HEPHL1: variants seen among roughly 807,000 people sequenced by gnomAD.
HEPHL1 encodes the protein ferroxidase HEPHL1.
HEPHL1 carries 123 observed loss-of-function variants against 122.0 expected under a neutral mutation model. The observed-to-expected ratio is 1.01, with a 90% CI of 0.87 to 1.17. The LOEUF (loss-of-function observed/expected upper bound fraction) is 1.17, where lower values mean the gene tolerates loss of function less well. Ranked by LOEUF, HEPHL1 falls within the 50% of genes most tolerant of loss-of-function variation. The probability of loss-of-function intolerance (pLI) is 0.00; values close to 1 mark genes in which losing one functional copy is unlikely to be tolerated. For missense variants in HEPHL1, 1,452 were observed against 1,430.5 expected (o/e 1.01, Z -0.24); for synonymous variants, 527 against 508.9 (o/e 1.04, Z -0.48).
At chr11:94,073,488 C>T (rs1167012502) in intron 8 of HEPHL1, 49 bp downstream of exon 8, 105 of 1,529,168 alleles carry the variant, frequency 6.9e-5, no homozygotes, top group Non-Finnish European at 8.8e-5. Context: ...GTGAGCAAAG[C>T]ACTTAGAAAT....
At chr11:94,062,613 C>A (rs996512316) in intron 2 of HEPHL1, among the ~76,000 whole-genome samples, 23 of 151,568 alleles carry the variant, frequency 1.5e-4, no homozygotes, top group African/African-American at 5.6e-4. Flanking sequence ...TGTGCACTTC[C>A]ATCTCCTTCT....
intron 4 of HEPHL1, among the ~76,000 whole-genome samples, chr11:94,065,090 A>G (rs550406180): frequency 1.3e-5 from 2 of 152,304 alleles, no homozygotes; most frequent in African/African-American, 2.4e-5. Flanking sequence ...TAGTTACTTC[A>G]TTAGTTGAGA....
intron 17 of HEPHL1, among the ~76,000 whole-genome samples, chr11:94,108,629 C>T (rs1946426187): frequency 6.6e-6 from 1 of 151,714 alleles, no homozygotes; most frequent in South Asian, 2.1e-4. Context: ...TCCAAATGTT[C>T]CATCACCACT....
At chr11:94,024,997 C>A (rs1396823631) in intron 1 of HEPHL1, among the ~76,000 whole-genome samples, 5 of 152,048 alleles carry the variant, frequency 3.3e-5, no homozygotes, top group Non-Finnish European at 5.9e-5. Flanking sequence ...ATCTGGGGAA[C>A]AAGATGGTGG....
intron 13 of HEPHL1, among the ~76,000 whole-genome samples, chr11:94,099,667 C>T (rs1317429077): frequency 3.9e-5 from 6 of 152,134 alleles, no homozygotes; most frequent in South Asian, 2.1e-4. Flanking sequence ...CCACCCAGTT[C>T]GAGCTTCCCA....
chr11:94,072,080 A>G (rs1028613605), intron 6 of HEPHL1, among the ~76,000 whole-genome samples: 3 of 152,184 alleles, frequency 2.0e-5, no homozygotes, highest in African/African-American at 4.8e-5. Flanking sequence ...AACAATTGCC[A>G]TTTTGGAGAT....
At chr11:94,086,304 T>C (rs1946218081) in intron 11 of HEPHL1, 115 bp downstream of exon 11, 4 of 738,926 alleles carry the variant, frequency 5.4e-6, no homozygotes, top group Non-Finnish European at 9.1e-6. Flanking sequence ...GGTGTAGAAA[T>C]AGATATAGTC....
chr11:94,051,559 T>G (rs535046337), intron 2 of HEPHL1, among the ~76,000 whole-genome samples: 1 of 152,254 alleles, frequency 6.6e-6, no homozygotes, highest in South Asian at 2.1e-4. Context: ...AGATAGGTAG[T>G]TTGCAAATAT....
Position 94,112,695 on chromosome 11 carries a change from G to C in HEPHL1, c.*801G>C, listed in dbSNP as rs1471108245. On this transcript the variant is annotated 3_prime_UTR_variant, in exon 20 of 20. Transcript: ENST00000315765. ...GCAGACTGTGGGAGGGCTGAAATCTGTAAAAGAACATGTTAGGCTCTCCCT... is the reference window on the plus strand; with the variant it reads ...GCAGACTGTGGGAGGGCTGAAATCTCTAAAAGAACATGTTAGGCTCTCCCT... 1 of 152,194 alleles carries C rather than the reference G, an allele frequency of 6.6e-6. No individual in the cohort carries two copies. The highest frequency in any genetic ancestry group is 2.4e-5 in the African/African-American group (1 of 41,452). 9.4% of individuals were successfully genotyped at this position (152,194 alleles called of 1,614,324 possible).
At chr11:94,026,558 G>T (rs1415769327) in intron 1 of HEPHL1, among the ~76,000 whole-genome samples, 1 of 152,144 alleles carries the variant, frequency 6.6e-6, no homozygotes, top group Non-Finnish European at 1.5e-5. Context: ...CCAAGGCCTG[G>T]TTAGCAGGAT....
chr11:94,036,280 G>T (rs77933654), intron 1 of HEPHL1, among the ~76,000 whole-genome samples: 1,567 of 152,302 alleles, frequency 0.01, 27 homozygotes, highest in African/African-American at 0.035. Context: ...AACCCCAAGG[G>T]TCTATGAGTT....
Position 94,088,900 on chromosome 11 carries a change from A to G in HEPHL1, c.2226A>G (p.Val742=), listed in dbSNP as rs1380290682. ...CTTTTTACATCGCCGCTGAAGAAGTAGAATGGGATTATGCCCCTAACAAAA... is the reference window on the plus strand; with the variant it reads ...CTTTTTACATCGCCGCTGAAGAAGTGGAATGGGATTATGCCCCTAACAAAA... ...IRTFYIAAEE[V]EWDYAPNKNW... The change falls in exon 12 of 20, where the codon GTA becomes GTG. Residue 742 remains valine, a synonymous_variant. Coordinates refer to ENST00000315765, the MANE Select transcript of HEPHL1 (RefSeq NM_001098672.2). 3 of 1,613,914 alleles carry G rather than the reference A, an allele frequency of 1.9e-6. No homozygotes were observed. The highest frequency in any genetic ancestry group is 2.5e-6 in the Non-Finnish European group (3 of 1,179,906).
At chr11:94,070,598 C>A in intron 6 of HEPHL1, 56 bp downstream of exon 6, 1 of 1,420,330 alleles carries the variant, frequency 7.0e-7, no homozygotes, top group Non-Finnish European at 9.7e-7. Flanking sequence ...ATGTGTTAGG[C>A]TTTCTCTGTG....
rs559214766 is a variant in HEPHL1, at chr11:94,096,887, C to T, written c.2434+3247C>T. Among the ~76,000 whole-genome samples, 14 of 152,084 alleles carry T rather than the reference C, an allele frequency of 9.2e-5. No individual in the cohort carries two copies. In the South Asian group the frequency reaches 1.2e-3, roughly 14 times the overall value. ...ATATCCCCTTTATCATTTTTTATTG[C>T]GCCTATTTGATTCTTCTCTCTCTTC... On this transcript the variant is annotated intron_variant, in intron 13 of 19. Transcript: ENST00000315765.
At chr11:94,063,226 C>T (rs985815933) in intron 2 of HEPHL1, among the ~76,000 whole-genome samples, 3 of 152,144 alleles carry the variant, frequency 2.0e-5, no homozygotes, top group Admixed American at 1.3e-4. Flanking sequence ...CAGAAAGAGT[C>T]CTTATTATGA....
chr11:94,079,403 GTCTTCATTGTTT>G (rs1403660022), intron 9 of HEPHL1, among the ~76,000 whole-genome samples: 1 of 152,064 alleles, frequency 6.6e-6, no homozygotes. Context: ...AAAATTTCAA[GTCTTCATTGTTT>G]TCTTCTGTAG....
At chr11:94,056,812 G>T (rs1448338647) in intron 2 of HEPHL1, among the ~76,000 whole-genome samples, 1 of 151,980 alleles carries the variant, frequency 6.6e-6, no homozygotes, top group Admixed American at 6.6e-5. Context: ...TATATTTATA[G>T]AACCTTTTAT....
chr11:94,105,953 T>C (rs1324149077), intron 16 of HEPHL1, 38 bp from the exon 17 acceptor site: 2 of 1,446,474 alleles, frequency 1.4e-6, no homozygotes, highest in Non-Finnish European at 9.4e-7. Flanking sequence ...GCTTATCTTT[T>C]AACTAACCAA....
rs775756663 is a variant in HEPHL1, at chr11:94,088,785, C to T, written c.2111C>T (p.Pro704Leu). 21 of 1,613,722 alleles carry T rather than the reference C, an allele frequency of 1.3e-5. No individual in the cohort carries two copies. In the South Asian group the frequency reaches 2.1e-4, roughly 16 times the overall value. ...GIFRVFCATM[P>L]HLSRGMGQIY... ...TTTAGGGTGTTTTGTGCCACCATGC[C>T]CCACCTCTCGAGAGGCATGGGTCAG... Residue 704 changes from proline to leucine, a missense_variant, in exon 12 of 20, where the codon CCC becomes CTC. Transcript: ENST00000315765.
Sources: allele counts gnomAD v4.1 joint callset (sites outside exome capture counted in the v4.1 genomes callset), GRCh38; gene constraint gnomAD v4.1.1; transcripts MANE v1.5; gene names NCBI Gene and HGNC (gene_info 2026-07-23, HGNC 2026-07-21).